Variants in TMEM63B observed in about 807,000 individuals in gnomAD.
TMEM63B encodes transmembrane protein 63B.
TMEM63B carries 23 observed loss-of-function variants against 102.6 expected under a neutral mutation model. The observed-to-expected ratio is 0.22, with a 90% CI of 0.16 to 0.32. The LOEUF (loss-of-function observed/expected upper bound fraction) is 0.32. Ranked by LOEUF, TMEM63B falls within the 10% of genes least tolerant of loss-of-function variation. TMEM63B has a pLI of 1.00. For missense variants in TMEM63B, 628 were observed against 1,095.9 expected (o/e 0.57, Z 6.03); for synonymous variants, 444 against 437.0 (o/e 1.02, Z -0.20).
chr6:44,140,497 T>C, intron 9 of TMEM63B, 137 bp downstream of exon 9: 1 of 725,766 alleles, frequency 1.4e-6, no homozygotes, highest in Non-Finnish European at 2.5e-6. Flanking sequence ...GCTCCCATCC[T>C]GCAAGTTACA....
rs1210140485 is a variant in TMEM63B at position 44,148,540 on chromosome 6, A to G, written c.1149A>G (p.Lys383=). ...TCCTGAAGGACTTCAACGTGTGTAA[A>G]TGCCAGGGCTGCACCTGCCGTGGGG... ...AIILKDFNVC[K]CQGCTCRGEP... Residue 383 remains lysine, a synonymous_variant, in exon 14 of 24, where the codon AAA becomes AAG. Coordinates refer to ENST00000323267, the MANE Select transcript of TMEM63B (RefSeq NM_018426.3). This position sits in a 1 kb window ranked among gnomAD's most constrained non-coding sequence, Gnocchi z 5.1. The G allele has an allele frequency of 5.0e-6, 8 of 1,614,024 alleles. No homozygotes were observed. The highest frequency in any genetic ancestry group is 5.9e-6 in the Non-Finnish European group (7 of 1,180,032).
At chr6:44,140,700 C>A (rs1764061569) in intron 9 of TMEM63B, among the ~76,000 whole-genome samples, 1 of 152,156 alleles carries the variant, frequency 6.6e-6, no homozygotes, top group South Asian at 2.1e-4. Flanking sequence ...ACACCTACTC[C>A]ATGCCAGCCA....
Position 44,153,726 on chromosome 6 carries a change from T to A in TMEM63B, c.1993T>A (p.Tyr665Asn). 6.2e-7 allele frequency: 1 copy of A among 1,614,132 alleles called. No individual in the cohort carries two copies. Among genetic ancestry groups the A allele is most frequent in the Non-Finnish European group, 8.5e-7 (1 of 1,180,018 alleles). Residue 665 changes from tyrosine to asparagine, a missense_variant, in exon 21 of 24, where the codon TAC becomes AAC. By Grantham distance (143) the Tyr-to-Asn change is moderately radical. Around this residue, in one of 6 missense-constraint regions of TMEM63B, gnomAD observed 90 missense variants for 136.7 expected, o/e 0.66. Transcript: ENST00000323267. ...KHLVDRYNLY[Y>N]AYLPAKLDKK... ...CCTGGTAGACAGGTACAATCTCTACTACGCCTACCTGCCGGCCAAGCTGGA... is the reference window on the plus strand; with the variant it reads ...CCTGGTAGACAGGTACAATCTCTACAACGCCTACCTGCCGGCCAAGCTGGA...
At chr6:44,141,518 T>C (rs1014869605) in intron 10 of TMEM63B, among the ~76,000 whole-genome samples, 2 of 152,192 alleles carry the variant, frequency 1.3e-5, no homozygotes, top group African/African-American at 4.8e-5. Context: ...CTGTGTATTC[T>C]CTGAGGCTTT....
In TMEM63B at chr6:44,134,611, G is replaced by T. The variant is rs148023766; in HGVS notation, c.27G>T (p.Leu9=). ...TGCTGCCCTTTCTGCTGGCCACACTGGGCACCACAGCCCTCAACAACAGCA... is the reference window on the plus strand; with the variant it reads ...TGCTGCCCTTTCTGCTGGCCACACTTGGCACCACAGCCCTCAACAACAGCA... The part of the protein sequence containing the change: MLPFLLAT[L]GTTALNNSNP... The change falls in exon 2 of 24, where the codon CTG becomes CTT. Residue 9 remains leucine (L), a synonymous_variant. Coordinates refer to ENST00000323267, the MANE Select transcript of TMEM63B (RefSeq NM_018426.3). 6.2e-7 allele frequency: 1 copy of T among 1,613,978 alleles called. No individual in the cohort carries two copies. Among genetic ancestry groups the T allele is most frequent in the Non-Finnish European group, 8.5e-7 (1 of 1,180,018 alleles).
intron 9 of TMEM63B, 148 bp from the exon 10 acceptor site, chr6:44,140,877 GCCT>G (rs1217575813): frequency 3.0e-6 from 2 of 677,958 alleles, no homozygotes; most frequent in East Asian, 5.4e-5. Context: ...CATAACTAAG[GCCT>G]CCTCCCACCC....
In TMEM63B at chr6:44,154,345, C is replaced by T; in HGVS notation, c.2227-20C>T. 2 of 1,613,584 alleles carry T rather than the reference C, an allele frequency of 1.2e-6. No homozygotes were observed. The highest frequency in any genetic ancestry group is 1.7e-6 in the Non-Finnish European group (2 of 1,179,670). ...CTGAGGACATGCCCCCACTTCCTGACTCATTCTGGGCCCCTCAAGATTGAG... is the reference window on the plus strand; with the variant it reads ...CTGAGGACATGCCCCCACTTCCTGATTCATTCTGGGCCCCTCAAGATTGAG... On this transcript the variant is annotated intron_variant, in intron 22 of 23. Transcript: ENST00000323267.
chr6:44,127,446 G>A (rs1326123901), upstream of TMEM63B: 1 of 151,678 alleles, frequency 6.6e-6, no homozygotes, highest in Non-Finnish European at 1.5e-5. Context: ...GGCCCAGCCC[G>A]GCGGACGCGA....
Position 44,150,136 on chromosome 6 carries a change from C to T in TMEM63B, c.1521-88C>T, listed in dbSNP as rs903468816. The T allele has an allele frequency of 1.4e-6, 2 of 1,423,282 alleles. No individual in the cohort carries two copies. Among genetic ancestry groups the T allele is most frequent in the Non-Finnish European group, 9.8e-7 (1 of 1,020,516 alleles). 88.2% of individuals were successfully genotyped at this position (1,423,282 alleles called of 1,614,324 possible). A position where few individuals can be genotyped will look rare whatever the true frequency, so the allele number is the denominator to read the frequency against. Reference sequence around the variant, plus strand: ...TGGGAGGCCCACCCTTCCCAGGGGACACTCCTTGGACATTGTCCTTGTTGG... The same window carrying T: ...TGGGAGGCCCACCCTTCCCAGGGGATACTCCTTGGACATTGTCCTTGTTGG... On this transcript the variant is annotated intron_variant, in intron 16 of 23. Coordinates refer to ENST00000323267, the MANE Select transcript of TMEM63B (RefSeq NM_018426.3). This position sits in a 1 kb window ranked among gnomAD's most constrained non-coding sequence, Gnocchi z 4.7.
At position 44,155,025 on chromosome 6, in the gene TMEM63B, T is replaced by G. The variant is rs1450073847; in HGVS notation, c.*142T>G. 1 of 798,766 alleles carries G rather than the reference T, an allele frequency of 1.3e-6. No homozygotes were observed. Among genetic ancestry groups the G allele is most frequent in the Non-Finnish European group, 1.8e-6 (1 of 559,728 alleles). 49.5% of individuals were successfully genotyped at this position (798,766 alleles called of 1,614,324 possible). On this transcript the variant is annotated 3_prime_UTR_variant, in exon 24 of 24. Coordinates refer to ENST00000323267, the MANE Select transcript of TMEM63B (RefSeq NM_018426.3). Reference sequence around the variant, plus strand: ...CATTAAGGTATTTAAACTTGGGGGTTTCACTGCTCTCCCCCATGATGGAGG... The same window carrying G: ...CATTAAGGTATTTAAACTTGGGGGTGTCACTGCTCTCCCCCATGATGGAGG...
intron 1 of TMEM63B, chr6:44,134,310 C>T (rs1217133231): frequency 4.4e-6 from 2 of 454,888 alleles, no homozygotes; most frequent in Non-Finnish European, 7.8e-6. Flanking sequence ...TGAAACCAGC[C>T]TCCCCAGTCC....
chr6:44,155,166 AC>A lies in TMEM63B; in HGVS notation c.*285del. ...CCACCCCTCCCCAGCTAGTAGCATG[AC>A]CAGGAGAGGGTTAATGAGAGCCAAG... On this transcript the variant is annotated 3_prime_UTR_variant, in exon 24 of 24. Coordinates refer to ENST00000323267, the MANE Select transcript of TMEM63B (RefSeq NM_018426.3). 1 of 251,536 alleles carries A rather than the reference AC, an allele frequency of 4.0e-6. No individual in the cohort carries two copies. 15.6% of individuals were successfully genotyped at this position (251,536 alleles called of 1,614,324 possible).
Position 44,150,644 on chromosome 6 carries a change from C to T in TMEM63B, c.1673+15C>T. On this transcript the variant is annotated intron_variant, in intron 18 of 23. Transcript: ENST00000323267. This position sits in a 1 kb window ranked among gnomAD's most constrained non-coding sequence, Gnocchi z 4.7. The stretch of plus-strand genomic sequence containing the variant: ...ATTCGGTTTGAGTGAGTGACTGGGG[C>T]CCCTAGGGAAAGAGACCAGACAGCA... 6.2e-7 allele frequency: 1 copy of T among 1,613,688 alleles called. No homozygotes were observed. Among genetic ancestry groups the T allele is most frequent in the Non-Finnish European group, 8.5e-7 (1 of 1,179,718 alleles).
In TMEM63B at chr6:44,131,388, A is replaced by G. The variant is rs549770634; in HGVS notation, c.-24-3173A>G. Among the ~76,000 whole-genome samples the G allele has an allele frequency of 2.6e-5, 4 of 152,212 alleles. 1 individual carries two copies. The highest frequency in any genetic ancestry group is 9.6e-5 in the African/African-American group (4 of 41,522). ...TCTTCCCCTCCTCCCCTCAGACCAC[A>G]TGGCCTTGCTTTGATCCAAAGCCCT... is the stretch of plus-strand genomic sequence containing the variant. On this transcript the variant is annotated intron_variant, in intron 1 of 23. Coordinates refer to ENST00000323267, the MANE Select transcript of TMEM63B (RefSeq NM_018426.3).
intron 23 of TMEM63B, 68 bp from the exon 24 acceptor site, chr6:44,154,624 G>T (rs1158524745): frequency 2.7e-6 from 4 of 1,505,368 alleles, no homozygotes; most frequent in Non-Finnish European, 3.6e-6. Context: ...TGTCCTACAT[G>T]CCCTGGTGTT....
intron 5 of TMEM63B, among the ~76,000 whole-genome samples, chr6:44,137,479 C>T (rs894305983): frequency 2.0e-5 from 3 of 152,128 alleles, no homozygotes; most frequent in African/African-American, 7.2e-5. Context: ...CATCTGCTAG[C>T]CAGAAGTGTC....
chr6:44,149,240 A>G, intron 15 of TMEM63B: 2 of 483,756 alleles, frequency 4.1e-6, no homozygotes, highest in South Asian at 4.3e-5. Flanking sequence ...GTCTAACTGA[A>G]AAAATGGAAA....
intron 9 of TMEM63B, chr6:44,140,595 C>T (rs1386720382): frequency 1.4e-5 from 9 of 631,932 alleles, no homozygotes; most frequent in Middle Eastern, 2.7e-4. Flanking sequence ...CAGAAACAGC[C>T]GTGCTGTGCC....
At chr6:44,134,871 T>G in intron 2 of TMEM63B, 128 bp downstream of exon 2, 1 of 1,493,370 alleles carries the variant, frequency 6.7e-7, no homozygotes, top group African/African-American at 1.4e-5. Flanking sequence ...GTCCCCATCA[T>G]CCAGCCCAAG....
Sources: gnomAD v4.1 joint callset for allele counts (sites outside exome capture counted in the v4.1 genomes callset) on GRCh38, gnomAD v4.1.1 for gene constraint, gnomAD v4.1.1 regional missense constraint, Gnocchi (gnomAD v3.1) non-coding constraint, MANE v1.5 for transcripts, NCBI Gene and HGNC (gene_info 2026-07-23, HGNC 2026-07-21) for gene names.